LHFPL3: variants seen among roughly 807,000 people sequenced by gnomAD.
LHFPL3 encodes LHFPL tetraspan subfamily member 3, also known as LHFPL tetraspan subfamily member 3 protein.
In LHFPL3, 5 loss-of-function variants were observed where a neutral mutation model predicts 19.3. That is an observed-to-expected ratio of 0.26 (90% CI 0.14 to 0.54). The LOEUF (loss-of-function observed/expected upper bound fraction) is 0.54, where lower values mean the gene tolerates loss of function less well. LHFPL3 is among the 20% of genes least tolerant of loss of function. The pLI, the probability that LHFPL3 is intolerant of heterozygous loss-of-function variation, is 0.94. For missense variants in LHFPL3, 249 were observed against 307.4 expected (o/e 0.81, Z 1.42); for synonymous variants, 133 against 126.2 (o/e 1.05, Z -0.36).
At chr7:104,739,608 T>A (rs1036063539) in intron 2 of LHFPL3, among the ~76,000 whole-genome samples, 2 of 152,100 alleles carry the variant, frequency 1.3e-5, no homozygotes, top group African/African-American at 4.8e-5. Context: ...TTTGCTGCTG[T>A]TCTTGTTTTG....
At chr7:104,843,192 C>T (rs577337489) in intron 2 of LHFPL3, among the ~76,000 whole-genome samples, 7 of 152,358 alleles carry the variant, frequency 4.6e-5, no homozygotes, top group South Asian at 4.1e-4. Context: ...TGCAGCCCAG[C>T]TGGCAGCTAC....
chr7:104,484,012 A>G (rs1793189726), intron 1 of LHFPL3, among the ~76,000 whole-genome samples: 1 of 152,248 alleles, frequency 6.6e-6, no homozygotes, highest in Non-Finnish European at 1.5e-5. Context: ...CTTTATTAGT[A>G]GGTCCTTATA....
chr7:104,683,230 T>C (rs1792744465), intron 1 of LHFPL3, among the ~76,000 whole-genome samples: 2 of 152,226 alleles, frequency 1.3e-5, no homozygotes, highest in Admixed American at 6.5e-5. Flanking sequence ...CCTCAGGTGA[T>C]CCACTCGTCT....
chr7:104,480,659 A>G (rs1052928900), intron 1 of LHFPL3, among the ~76,000 whole-genome samples: 10 of 152,070 alleles, frequency 6.6e-5, no homozygotes, highest in Non-Finnish European at 1.0e-4. Context: ...AAGTGTCTGG[A>G]AAAAAAATAA....
intron 1 of LHFPL3, among the ~76,000 whole-genome samples, chr7:104,349,903 A>C (rs1790140885): frequency 6.6e-6 from 1 of 152,122 alleles, no homozygotes; most frequent in Non-Finnish European, 1.5e-5. Flanking sequence ...GTCATATTTG[A>C]GTAAAGATTT....
At chr7:104,400,121 AAAAAAAAAAAAAAAAAAAAAAAAAAAG>A (rs1791283606) in intron 1 of LHFPL3, among the ~76,000 whole-genome samples, 1 of 98,048 alleles carries the variant, frequency 1.0e-5, no homozygotes, top group Non-Finnish European at 1.9e-5. Flanking sequence ...AAAAAAAAAA[AAAAAAAAAAAAAAAAAAAAAAAAAAAG>A]ACTCTACAGG....
At chr7:104,647,027 C>T (rs1791947556) in intron 1 of LHFPL3, among the ~76,000 whole-genome samples, 1 of 152,164 alleles carries the variant, frequency 6.6e-6, no homozygotes, top group South Asian at 2.1e-4. Context: ...ATCCTATGCC[C>T]AGTGAAAGAT....
intron 1 of LHFPL3, among the ~76,000 whole-genome samples, chr7:104,685,888 A>C (rs575843082): frequency 1.3e-4 from 20 of 152,220 alleles, no homozygotes; most frequent in Non-Finnish European, 2.2e-4. Context: ...AATCAAAGTA[A>C]TGGATGGTCA....
intron 1 of LHFPL3, among the ~76,000 whole-genome samples, chr7:104,527,897 A>G (rs947447741): frequency 6.6e-6 from 1 of 152,214 alleles, no homozygotes; most frequent in Non-Finnish European, 1.5e-5. Context: ...CACTGTAACA[A>G]GGGCAGAAAC....
In LHFPL3 at chr7:104,818,188, T is replaced by C. The variant is rs114858874; in HGVS notation, c.682+81277T>C. ...TGTACTTAAATGCTTCAGAGAAATA[T>C]GGTGGTTCATTTTCCTGTTCTATTT... is the stretch of plus-strand genomic sequence containing the variant. On this transcript the variant is annotated intron_variant, in intron 2 of 2. Transcript: ENST00000424859. Among the ~76,000 whole-genome samples the C allele has an allele frequency of 9.7e-4, 147 of 152,248 alleles. 1 individual carries two copies. The highest frequency in any genetic ancestry group is 3.3e-3 in the African/African-American group (136 of 41,548).
chr7:104,466,935 G>C (rs957747521), intron 1 of LHFPL3, among the ~76,000 whole-genome samples: 1 of 152,098 alleles, frequency 6.6e-6, no homozygotes. Flanking sequence ...TGCCATAACT[G>C]TCTGTCTCTT....
intron 2 of LHFPL3, chr7:104,800,178 G>T (rs2470957): frequency 5.9e-5 from 9 of 152,014 alleles, no homozygotes; most frequent in African/African-American, 2.2e-4. Flanking sequence ...AAAAGCTACC[G>T]CATCAATAAT....
intron 1 of LHFPL3, among the ~76,000 whole-genome samples, chr7:104,566,133 C>T (rs530731308): frequency 6.6e-6 from 1 of 151,940 alleles, no homozygotes; most frequent in Non-Finnish European, 1.5e-5. Context: ...GGCTTTTGGG[C>T]CCAGGACTTT....
At chr7:104,666,276 C>G (rs1420024267) in intron 1 of LHFPL3, among the ~76,000 whole-genome samples, 1 of 151,888 alleles carries the variant, frequency 6.6e-6, no homozygotes, top group Non-Finnish European at 1.5e-5. Flanking sequence ...TTCTATCTAA[C>G]TGTATGTTTA....
chr7:104,470,618 T>C (rs1232354893), intron 1 of LHFPL3, among the ~76,000 whole-genome samples: 2 of 152,158 alleles, frequency 1.3e-5, no homozygotes, highest in Non-Finnish European at 2.9e-5. Flanking sequence ...AACCCTATCA[T>C]TCCCTATTGT....
chr7:104,829,419 T>C (rs1207547378), intron 2 of LHFPL3, among the ~76,000 whole-genome samples: 4 of 151,780 alleles, frequency 2.6e-5, no homozygotes, highest in Admixed American at 6.5e-5. Context: ...CATGTTGGTG[T>C]GCTGCACCCA....
chr7:104,426,021 C>T lies in LHFPL3; in HGVS notation c.445+96797C>T, dbSNP rs529381542. On this transcript the variant is annotated intron_variant, in intron 1 of 2. Coordinates refer to ENST00000424859, the MANE Select transcript of LHFPL3 (RefSeq NM_199000.3). The stretch of plus-strand genomic sequence containing the variant: ...GTCAACATTGCCTATTCCTTCTGTT[C>T]GCAATGGCAAAATTATAGCTTCAAA... 7.9e-5 allele frequency among the ~76,000 whole-genome samples: 12 copies of T among 152,328 alleles called. No homozygotes were observed. The South Asian group carries it at 2.3e-3, about 29-fold the overall frequency.
rs529327277 is a variant in LHFPL3, at chr7:104,589,431, T to C, written c.446-147244T>C. ...GATTACATTTATTGATTTGCATATA[T>C]TGAACCAGCCTTGCATCCCAGTGAT... On this transcript the variant is annotated intron_variant, in intron 1 of 2. Coordinates refer to ENST00000424859, the MANE Select transcript of LHFPL3 (RefSeq NM_199000.3). Among the ~76,000 whole-genome samples the C allele has an allele frequency of 3.3e-5, 5 of 152,364 alleles. No individual in the cohort carries two copies. In the East Asian group the frequency reaches 9.6e-4, roughly 29 times the overall value.
intron 1 of LHFPL3, among the ~76,000 whole-genome samples, chr7:104,523,237 G>C (rs1375256424): frequency 6.6e-6 from 1 of 152,050 alleles, no homozygotes; most frequent in African/African-American, 2.4e-5. Flanking sequence ...GTCAGGTACT[G>C]TAATACAGCC....
Sources: gnomAD v4.1 joint callset for allele counts (sites outside exome capture counted in the v4.1 genomes callset) on GRCh38, gnomAD v4.1.1 for gene constraint, MANE v1.5 for transcripts, NCBI Gene and HGNC (gene_info 2026-07-23, HGNC 2026-07-21) for gene names.